Variants in SLC25A27 observed in about 807,000 individuals in gnomAD.
The protein encoded by SLC25A27 is mitochondrial uncoupling protein 4.
In SLC25A27, 35 loss-of-function variants were observed where a neutral mutation model predicts 49.1. The observed-to-expected ratio is 0.71, with a 90% CI of 0.54 to 0.95. SLC25A27 has a LOEUF of 0.95. SLC25A27 is among the 40% of genes least tolerant of loss of function. The pLI, the probability that SLC25A27 is intolerant of heterozygous loss-of-function variation, is 0.00. For synonymous variants in SLC25A27, 144 were observed against 136.9 expected, an observed-to-expected ratio of 1.05 and a Z score of -0.36; for missense variants, 339 against 397.1, an observed-to-expected ratio of 0.85 and a Z score of 1.24.
At chr6:46,656,958 G>A (rs1763003007) in intron 2 of SLC25A27, among the ~76,000 whole-genome samples, 1 of 152,150 alleles carries the variant, frequency 6.6e-6, no homozygotes, top group South Asian at 2.1e-4. Context: ...TTGAGCCCAG[G>A]AGTTCGAGAC....
intron 8 of SLC25A27, among the ~76,000 whole-genome samples, chr6:46,672,015 G>C (rs1246502620): frequency 6.6e-6 from 1 of 151,984 alleles, no homozygotes; most frequent in Non-Finnish European, 1.5e-5. Flanking sequence ...ATCATGCAAA[G>C]CCCTATACTG....
rs888657458 is a variant in SLC25A27, at chr6:46,676,758, T to C, written c.*304T>C. On this transcript the variant is annotated 3_prime_UTR_variant, in exon 9 of 9. Transcript: ENST00000371347. The stretch of plus-strand genomic sequence containing the variant: ...TGGGCAAGAAGGTTTGGCCTTTGAG[T>C]TGCTATTCTATGCTGAAGAGCCTGC... The C allele has an allele frequency of 1.0e-5, 14 of 1,388,326 alleles. No homozygotes were observed. The East Asian group carries it at 1.7e-4, about 17-fold the overall frequency. The allele number at this position is 1,388,326 out of a possible 1,614,324, so 86.0% of individuals were successfully genotyped here. A position where few individuals can be genotyped will look rare whatever the true frequency, so the allele number is the denominator to read the frequency against.
intron 5 of SLC25A27, among the ~76,000 whole-genome samples, chr6:46,667,239 G>A (rs765445829): frequency 2.0e-5 from 3 of 152,066 alleles, no homozygotes; most frequent in Middle Eastern, 3.4e-3. Flanking sequence ...TCCATATTCG[G>A]TTTGCTGGCT....
chr6:46,660,988 A>T (rs1277057732), intron 3 of SLC25A27, among the ~76,000 whole-genome samples: 1 of 152,204 alleles, frequency 6.6e-6, no homozygotes, highest in Admixed American at 6.5e-5. Context: ...TTCAGTCAGT[A>T]GGTATTTATT....
At chr6:46,661,430 A>G (rs948394557) in intron 3 of SLC25A27, among the ~76,000 whole-genome samples, 1 of 152,250 alleles carries the variant, frequency 6.6e-6, no homozygotes, top group South Asian at 2.1e-4. Context: ...AAATACTGTC[A>G]AACTATTAAA....
intron 1 of SLC25A27, chr6:46,653,864 A>G (rs1231205145): frequency 1.0e-6 from 1 of 984,920 alleles, no homozygotes; most frequent in East Asian, 1.1e-4. Flanking sequence ...CAGGACACCC[A>G]TTAGTTGCGA....
intron 3 of SLC25A27, 119 bp from the exon 4 acceptor site, chr6:46,662,257 T>G: frequency 1.2e-6 from 1 of 829,588 alleles, no homozygotes; most frequent in Non-Finnish European, 1.9e-6. Flanking sequence ...CTTGGGTATA[T>G]CCTTTTCTTT....
intron 3 of SLC25A27, among the ~76,000 whole-genome samples, chr6:46,660,230 C>CTGTGTGTGTGTGTG (rs140354056): frequency 0.4 from 59,584 of 147,168 alleles, 12,194 homozygotes; most frequent in East Asian, 0.51. Context: ...ACCTCTGTGT[C>CTGTGTGTGTGTGTG]TGTGTGTGTG....
chr6:46,671,549 A>G (rs1763544893), intron 8 of SLC25A27, among the ~76,000 whole-genome samples: 1 of 152,022 alleles, frequency 6.6e-6, no homozygotes, highest in Admixed American at 6.5e-5. Flanking sequence ...AATATTTTAG[A>G]ATATATATAC....
chr6:46,653,741 A>C lies in SLC25A27; in HGVS notation c.106+443A>C, dbSNP rs985476952. The C allele has an allele frequency of 2.3e-5, 23 of 985,210 alleles. No homozygotes were observed. The African/African-American group carries it at 3.7e-4, about 16-fold the overall frequency. The allele number at this position is 985,210 out of a possible 1,614,324, so 61.0% of individuals were successfully genotyped here. A position where few individuals can be genotyped will look rare whatever the true frequency, so the allele number is the denominator to read the frequency against. ...CCTACCTTGTGGGACTTCCGTTATT[A>C]ACCTGCCACTCACAGAGCATCGACT... is the stretch of plus-strand genomic sequence containing the variant. On this transcript the variant is annotated intron_variant, in intron 1 of 8. Coordinates refer to ENST00000371347, the MANE Select transcript of SLC25A27 (RefSeq NM_004277.5).
intron 3 of SLC25A27, among the ~76,000 whole-genome samples, chr6:46,661,397 A>C (rs1026551840): frequency 7.9e-5 from 12 of 152,236 alleles, no homozygotes; most frequent in Non-Finnish European, 2.9e-5. Flanking sequence ...TCGTTAAATA[A>C]ATTATGGCAT....
intron 2 of SLC25A27, chr6:46,658,408 A>G (rs571111423): frequency 5.3e-4 from 182 of 341,058 alleles, no homozygotes; most frequent in Non-Finnish European, 8.4e-4. Flanking sequence ...TTTGTTGTTC[A>G]TTGTGTTGTT....
At chr6:46,668,286 C>T (rs567660811) in intron 5 of SLC25A27, among the ~76,000 whole-genome samples, 16 of 152,210 alleles carry the variant, frequency 1.1e-4, no homozygotes, top group East Asian at 9.7e-4. Flanking sequence ...TGCAGTGAGC[C>T]GCGATCACGC....
chr6:46,665,940 T>C (rs139244933), intron 5 of SLC25A27, among the ~76,000 whole-genome samples: 296 of 152,318 alleles, frequency 1.9e-3, no homozygotes, highest in African/African-American at 6.7e-3. Flanking sequence ...AAAGTGGAAA[T>C]TTTGGAATGT....
chr6:46,669,621 C>G (rs1316001239), intron 6 of SLC25A27, among the ~76,000 whole-genome samples: 1 of 152,148 alleles, frequency 6.6e-6, no homozygotes, highest in Non-Finnish European at 1.5e-5. Context: ...AATTTAACCA[C>G]TCCAAGAGTA....
chr6:46,655,918 G>A lies in SLC25A27; in HGVS notation c.182G>A (p.Gly61Asp), dbSNP rs1162916641. The A allele has an allele frequency of 6.2e-7, 1 of 1,613,886 alleles. No homozygotes were observed. The highest frequency in any genetic ancestry group is 1.1e-5 in the South Asian group (1 of 91,038). ...GCAGCTCTTGCTCGGTTGGGAGACG[G>A]TGCAAGAGAATCTGCCCCCTATAGG... Reference protein sequence around the residue: ...GEAALARLGDGARESAPYRGM... With the variant: ...GEAALARLGDDARESAPYRGM... The change falls in exon 2 of 9, where the codon GGT (glycine) becomes GAT (aspartate). Residue 61 changes from glycine to aspartate, a missense_variant. Physicochemically the swap from Gly to Asp is moderately conservative, Grantham distance 94. Transcript: ENST00000371347.
intron 1 of SLC25A27, chr6:46,654,042 A>G: frequency 5.9e-6 from 5 of 844,816 alleles, no homozygotes; most frequent in East Asian, 1.2e-4. Context: ...GAGCAGTTAC[A>G]TCTGCCTACA....
chr6:46,654,100 C>G, intron 1 of SLC25A27: 2 of 984,886 alleles, frequency 2.0e-6, no homozygotes, highest in Non-Finnish European at 2.4e-6. Flanking sequence ...AATGATGATG[C>G]CCTTGAATGA....
At chr6:46,671,015 C>T (rs567177683) in intron 7 of SLC25A27, 111 bp from the exon 8 acceptor site, 1 of 727,254 alleles carries the variant, frequency 1.4e-6, no homozygotes, top group South Asian at 1.7e-5. Flanking sequence ...CAGGCGTAAG[C>T]CACCGCGCCC....
Sources: allele counts gnomAD v4.1 joint callset (sites outside exome capture counted in the v4.1 genomes callset), GRCh38; gene constraint gnomAD v4.1.1; transcripts MANE v1.5; gene names NCBI Gene and HGNC (gene_info 2026-07-23, HGNC 2026-07-21).